Variants in CPS1 observed in about 807,000 individuals in gnomAD.
CPS1 encodes the protein carbamoyl-phosphate synthase 1.
A neutral mutation model predicts 174.6 loss-of-function variants in CPS1; 109 were observed. That is an observed-to-expected ratio of 0.62 (90% CI 0.53 to 0.73). The LOEUF (loss-of-function observed/expected upper bound fraction) is 0.73. Among genes scored for constraint, CPS1 ranks in the 30% least tolerant of loss-of-function variants. The pLI is 0.00. For synonymous variants in CPS1, 637 were observed against 632.0 expected (o/e 1.01, Z -0.12); for missense variants, 1,689 against 1,821.9 (o/e 0.93, Z 1.33).
rs1236972597 is a variant in CPS1, at chr2:210,590,889, G to A, written c.930G>A (p.Lys310=). 1 of 1,611,188 alleles carries A rather than the reference G, an allele frequency of 6.2e-7. No homozygotes were observed. The highest frequency in any genetic ancestry group is 8.5e-7 in the Non-Finnish European group (1 of 1,178,156). ...TGLAAGAKTY[K]MSMANRGQNQ... ...TGGCTGCTGGTGCCAAAACCTACAA[G>A]ATGTCCATGGCCAACAGGTGAGGTA... is the stretch of plus-strand genomic sequence containing the variant. The change falls in exon 9 of 38, where the codon AAG becomes AAA. Residue 310 remains lysine, a synonymous_variant. Transcript: ENST00000233072.
At chr2:210,663,344 AT>A (rs1393077351) in intron 33 of CPS1, 147 bp downstream of exon 33, 3 of 760,796 alleles carry the variant, frequency 3.9e-6, no homozygotes, top group Non-Finnish European at 6.5e-6. Flanking sequence ...AATTTAAAAA[AT>A]ATTTTACTTC....
rs185233254 is a variant in CPS1 at position 210,598,773 on chromosome 2, C to T, written c.1360-599C>T. 2.0e-5 allele frequency among the ~76,000 whole-genome samples: 3 copies of T among 151,866 alleles called. No homozygotes were observed. The East Asian group carries it at 5.9e-4, about 30-fold the overall frequency. On this transcript the variant is annotated intron_variant, in intron 13 of 37. Coordinates refer to ENST00000233072, the MANE Select transcript of CPS1 (RefSeq NM_001875.5). ...CCCACACAATAATAGTGGGAGGTAT[C>T]AACACTCCACTGATAGTATTAAACA...
chr2:210,630,357 A>G (rs978955348), intron 21 of CPS1, among the ~76,000 whole-genome samples: 2 of 152,214 alleles, frequency 1.3e-5, no homozygotes, highest in East Asian at 3.9e-4. Flanking sequence ...AAAGATATCT[A>G]CATTATCAGT....
intron 7 of CPS1, among the ~76,000 whole-genome samples, chr2:210,589,703 A>G (rs1391203167): frequency 1.3e-5 from 2 of 151,930 alleles, no homozygotes; most frequent in African/African-American, 4.8e-5. Context: ...TTTGTTGTCC[A>G]GCCTAGAGTG....
intron 13 of CPS1, 127 bp downstream of exon 13, chr2:210,595,709 C>T (rs1698460966): frequency 2.8e-6 from 2 of 705,176 alleles, no homozygotes; most frequent in Non-Finnish European, 2.4e-6. Flanking sequence ...TTAACTGTGC[C>T]TTTATAAATC....
rs2099849935 is a variant in CPS1 at position 210,658,585 on chromosome 2, G to A, written c.3667-14G>A. 2 of 1,611,244 alleles carry A rather than the reference G, an allele frequency of 1.2e-6. No homozygotes were observed. The highest frequency in any genetic ancestry group is 1.7e-6 in the Non-Finnish European group (2 of 1,177,448). ...GCTCTTTAGCACACTATACGATTAT[G>A]CTTTTTAATTCAGGTGAAGGATGCT... On this transcript the variant is annotated splice_polypyrimidine_tract_variant and intron_variant, in intron 30 of 37. Coordinates refer to ENST00000233072, the MANE Select transcript of CPS1 (RefSeq NM_001875.5).
At chr2:210,616,330 A>G in intron 20 of CPS1, 93 bp from the exon 21 acceptor site, 1 of 849,980 alleles carries the variant, frequency 1.2e-6, no homozygotes, top group Non-Finnish European at 2.0e-6. Flanking sequence ...CTCTCTAAAT[A>G]ACACACAGAG....
chr2:210,608,674 A>C, intron 19 of CPS1, 115 bp downstream of exon 19: 1 of 967,866 alleles, frequency 1.0e-6, no homozygotes, highest in South Asian at 1.3e-5. Context: ...GACAGTGTTA[A>C]AGGTGCAATT....
At chr2:210,578,294 G>C (rs1346894114) in intron 4 of CPS1, among the ~76,000 whole-genome samples, 4 of 152,004 alleles carry the variant, frequency 2.6e-5, no homozygotes, top group Non-Finnish European at 5.9e-5. Context: ...ATTTTTAGTA[G>C]AGACGGGGTT....
At chr2:210,551,038 T>A (rs1696716001) in intron 1 of CPS1, among the ~76,000 whole-genome samples, 1 of 152,002 alleles carries the variant, frequency 6.6e-6, no homozygotes, top group South Asian at 2.1e-4. Context: ...TTAACATGAT[T>A]AACTTTGGGC....
intron 2 of CPS1, among the ~76,000 whole-genome samples, chr2:210,575,480 T>C (rs1378213185): frequency 1.3e-5 from 2 of 149,194 alleles, no homozygotes; most frequent in African/African-American, 5.0e-5. Context: ...ATAAGAAATA[T>C]GTGTGTGTGT....
At chr2:210,496,529 A>G (rs1272458594) in intron 1 of CPS1, among the ~76,000 whole-genome samples, 1 of 152,188 alleles carries the variant, frequency 6.6e-6, no homozygotes. Flanking sequence ...TCTTGGCAAG[A>G]GAGAAGGACA....
At chr2:210,509,534 A>C (rs1226881618) in intron 1 of CPS1, among the ~76,000 whole-genome samples, 1 of 152,212 alleles carries the variant, frequency 6.6e-6, no homozygotes, top group African/African-American at 2.4e-5. Flanking sequence ...TGGCCAGGGC[A>C]ATCAGGCAGG....
intron 1 of CPS1, among the ~76,000 whole-genome samples, chr2:210,480,944 G>C (rs965543143): frequency 1.3e-5 from 2 of 152,148 alleles, no homozygotes; most frequent in Non-Finnish European, 2.9e-5. Flanking sequence ...GAGGAAACAA[G>C]AACATAAACA....
At chr2:210,539,803 G>A (rs1009385950) in intron 1 of CPS1, among the ~76,000 whole-genome samples, 8 of 152,058 alleles carry the variant, frequency 5.3e-5, no homozygotes, top group Non-Finnish European at 1.2e-4. Flanking sequence ...TTTCTACCTT[G>A]TCCCCAGGCT....
At chr2:210,550,304 A>T (rs1404502921) in intron 1 of CPS1, among the ~76,000 whole-genome samples, 10 of 151,804 alleles carry the variant, frequency 6.6e-5, no homozygotes, top group African/African-American at 2.4e-4. Flanking sequence ...TCTTCCCATC[A>T]AATTGAATCT....
intron 1 of CPS1, among the ~76,000 whole-genome samples, chr2:210,496,979 T>G (rs1695006755): frequency 6.6e-6 from 1 of 152,244 alleles, no homozygotes. Context: ...TGGTCTGTTT[T>G]TTATCAAATA....
rs181415534 is a variant in CPS1, at chr2:210,513,531, G to C, written c.3+35765G>C. 4.0e-5 allele frequency among the ~76,000 whole-genome samples: 6 copies of C among 151,810 alleles called. No individual in the cohort carries two copies. In the East Asian group the frequency reaches 1.2e-3, roughly 29 times the overall value. On this transcript the variant is annotated intron_variant, in intron 1 of 38. Coordinates refer to the CPS1 transcript ENST00000430249. Reference sequence around the variant, plus strand: ...CATGTCTGTTGCCTGTTTTTTAATGGGGTTAAGTTGGTTTTTGCCTGTTGA... The same window carrying C: ...CATGTCTGTTGCCTGTTTTTTAATGCGGTTAAGTTGGTTTTTGCCTGTTGA...
At chr2:210,621,614 C>A (rs1343008296) in intron 21 of CPS1, among the ~76,000 whole-genome samples, 1 of 151,968 alleles carries the variant, frequency 6.6e-6, no homozygotes, top group African/African-American at 2.4e-5. Context: ...AAAATCTCAC[C>A]TATAGTTCTT....
Sources: gnomAD v4.1 joint callset for allele counts (sites outside exome capture counted in the v4.1 genomes callset) on GRCh38, gnomAD v4.1.1 for gene constraint, MANE v1.5 for transcripts, NCBI Gene and HGNC (gene_info 2026-07-23, HGNC 2026-07-21) for gene names.